KALRN: variants seen among roughly 807,000 people sequenced by gnomAD.
The protein encoded by KALRN is kalirin RhoGEF kinase.
KALRN carries 70 observed loss-of-function variants against 353.7 expected under a neutral mutation model. That is an observed-to-expected ratio of 0.20 (90% confidence interval 0.16 to 0.24). The LOEUF (loss-of-function observed/expected upper bound fraction) is 0.24. Among genes scored for constraint, KALRN ranks in the 10% least tolerant of loss-of-function variants. The pLI, the probability that KALRN is intolerant of heterozygous loss-of-function variation, is 1.00. For missense variants in KALRN, 2,791 were observed against 3,756.7 expected (o/e 0.74, Z 6.72); for synonymous variants, 1,391 against 1,434.8 (o/e 0.97, Z 0.69).
intron 34 of KALRN, among the ~76,000 whole-genome samples, chr3:124,608,514 C>T (rs1428400428): frequency 1.3e-5 from 2 of 152,254 alleles, no homozygotes; most frequent in East Asian, 1.9e-4. Flanking sequence ...CAGCGGAGAA[C>T]TTACAGCATC....
At chr3:124,652,441 C>G (rs765244597) in intron 38 of KALRN, among the ~76,000 whole-genome samples, 1 of 152,216 alleles carries the variant, frequency 6.6e-6, no homozygotes, top group Non-Finnish European at 1.5e-5. Context: ...AAAGCTGAGT[C>G]TCCTTAGCTT....
intron 3 of KALRN, among the ~76,000 whole-genome samples, chr3:124,239,484 G>A (rs992957445): frequency 6.6e-6 from 1 of 152,186 alleles, no homozygotes; most frequent in African/African-American, 2.4e-5. Context: ...CTGAGATACT[G>A]AGTGTTCTGC....
At chr3:124,218,805 T>C (rs1430220621) in intron 1 of KALRN, among the ~76,000 whole-genome samples, 1 of 152,182 alleles carries the variant, frequency 6.6e-6, no homozygotes, top group African/African-American at 2.4e-5. Flanking sequence ...TAAACAGAAA[T>C]GGTTGCTCAT....
chr3:124,064,502 T>G (rs1048344331), intron 1 of KALRN, among the ~76,000 whole-genome samples: 2 of 152,162 alleles, frequency 1.3e-5, no homozygotes, highest in African/African-American at 4.8e-5. Flanking sequence ...TTCCTTGTTT[T>G]TCTTCCTTAC....
intron 34 of KALRN, among the ~76,000 whole-genome samples, chr3:124,606,236 A>G (rs1266715943): frequency 5.9e-5 from 9 of 152,194 alleles, no homozygotes; most frequent in African/African-American, 1.2e-4. Context: ...GGGCAATTAT[A>G]TTGTTCTCAT....
chr3:124,472,593 G>T (rs140475404), intron 25 of KALRN, among the ~76,000 whole-genome samples: 8 of 151,974 alleles, frequency 5.3e-5, no homozygotes, highest in African/African-American at 1.9e-4. Context: ...GTGTGTGTGT[G>T]TGTGTGTGTG....
Position 124,430,688 on chromosome 3 carries a change from G to T in KALRN, c.2742G>T (p.Met914Ile), listed in dbSNP as rs760956956. The T allele has an allele frequency of 1.2e-6, 2 of 1,614,070 alleles. No homozygotes were observed. Among genetic ancestry groups the T allele is most frequent in the African/African-American group, 2.7e-5 (2 of 74,946 alleles). ...VLGWIRNGES[M>I]LNASLVNASS... ...GATGGATCCGCAATGGAGAGTCAAT[G>T]CTCAACGCCAGCCTGGTCAATGCCA... Residue 914 changes from methionine (M) to isoleucine (I), a missense_variant, in exon 16 of 60, where the codon ATG (methionine) becomes ATT (isoleucine). Met to Ile is a conservative substitution (Grantham distance 10). Around this residue, in one of 11 missense-constraint regions of KALRN, gnomAD observed 452 missense variants for 575.8 expected, o/e 0.78. Coordinates refer to ENST00000682506, the MANE Select transcript of KALRN (RefSeq NM_001388419.1).
At chr3:124,351,507 C>T (rs1260534822) in intron 10 of KALRN, among the ~76,000 whole-genome samples, 2 of 152,174 alleles carry the variant, frequency 1.3e-5, no homozygotes. Context: ...AGCAGAAAGA[C>T]AGCTATTACA....
At chr3:124,188,763 A>C (rs983036488) in intron 1 of KALRN, among the ~76,000 whole-genome samples, 12 of 152,202 alleles carry the variant, frequency 7.9e-5, no homozygotes, top group African/African-American at 2.7e-4. Flanking sequence ...TGCTGGCAGA[A>C]GTTATGAGAC....
rs532666712 is a variant in KALRN at position 124,229,545 on chromosome 3, T to C, written c.148+1481T>C. 5.9e-5 allele frequency among the ~76,000 whole-genome samples: 9 copies of C among 152,350 alleles called. No individual in the cohort carries two copies. In the South Asian group the frequency reaches 1.9e-3, roughly 32 times the overall value. On this transcript the variant is annotated intron_variant, in intron 2 of 59. Coordinates refer to ENST00000682506, the MANE Select transcript of KALRN (RefSeq NM_001388419.1). ...CAGAGCAAGAGCTAGTCCAGTCCTG[T>C]AGAGCAGAGGTTCATGCCACAGGCA...
At chr3:124,246,247 T>G (rs2081105171) in intron 3 of KALRN, among the ~76,000 whole-genome samples, 1 of 152,262 alleles carries the variant, frequency 6.6e-6, no homozygotes, top group South Asian at 2.1e-4. Context: ...CAAACATTCT[T>G]ATCACCATCA....
At chr3:124,221,193 C>T (rs988131766) in intron 1 of KALRN, among the ~76,000 whole-genome samples, 6 of 152,220 alleles carry the variant, frequency 3.9e-5, no homozygotes, top group Admixed American at 3.9e-4. Flanking sequence ...CCATGACGTA[C>T]AGTTTGTTTG....
chr3:124,081,541 C>T (rs1034021062), intron 1 of KALRN, among the ~76,000 whole-genome samples: 3 of 152,190 alleles, frequency 2.0e-5, no homozygotes, highest in African/African-American at 7.2e-5. Context: ...GAGGCTGAAA[C>T]AGGCAGATCG....
rs748743008 is a variant in KALRN, at chr3:124,666,436, G to A, written c.6346-13G>A. 3.0e-5 allele frequency: 48 copies of A among 1,612,858 alleles called. No homozygotes were observed. The highest frequency in any genetic ancestry group is 3.3e-5 in the Non-Finnish European group (39 of 1,179,278). On this transcript the variant is annotated splice_polypyrimidine_tract_variant and intron_variant, in intron 45 of 59. Coordinates refer to ENST00000682506, the MANE Select transcript of KALRN (RefSeq NM_001388419.1). ...TTTTTCATTCACTTCACCCCAGCCC[G>A]TCTTTCCTTCAGGGCACTCTGACTG...
At chr3:124,438,708 A>C (rs1227896194) in intron 17 of KALRN, among the ~76,000 whole-genome samples, 180 bp from the exon 18 acceptor site, 4 of 152,076 alleles carry the variant, frequency 2.6e-5, no homozygotes, top group Admixed American at 2.6e-4. Context: ...TCCAGTCATC[A>C]TGTCTCCCAG....
intron 10 of KALRN, among the ~76,000 whole-genome samples, chr3:124,367,515 A>AC (rs1184630192): frequency 1.3e-5 from 1 of 78,564 alleles, no homozygotes; most frequent in African/African-American, 5.5e-5. Flanking sequence ...GGGGGGGCTG[A>AC]CCCCCCCACC....
intron 25 of KALRN, among the ~76,000 whole-genome samples, chr3:124,472,191 T>C (rs1411071446): frequency 6.6e-6 from 1 of 152,218 alleles, no homozygotes; most frequent in Non-Finnish European, 1.5e-5. Context: ...TTTCTATCAA[T>C]GATCAATTCT....
At chr3:124,055,199 C>T (rs888367787) in intron 1 of KALRN, among the ~76,000 whole-genome samples, 2 of 152,170 alleles carry the variant, frequency 1.3e-5, no homozygotes, top group African/African-American at 4.8e-5. Context: ...TAGCAGAGGG[C>T]ATGCATAGGA....
chr3:124,674,476 C>T lies in KALRN; in HGVS notation c.7055C>T (p.Ala2352Val). 6.2e-7 allele frequency: 1 copy of T among 1,614,010 alleles called. No homozygotes were observed. Among genetic ancestry groups the T allele is most frequent in the Non-Finnish European group, 8.5e-7 (1 of 1,179,996 alleles). Residue 2352 changes from alanine to valine, a missense_variant, in exon 49 of 60, where the codon GCC becomes GTC. By Grantham distance (64) the Ala-to-Val change is moderately conservative (BLOSUM62 0). This residue lies in a region of KALRN where 1,065 missense variants were observed against 1,156.4 expected (regional missense o/e 0.92). Coordinates refer to ENST00000682506, the MANE Select transcript of KALRN (RefSeq NM_001388419.1). ...CAAGGTGAGGTGGTCCAGGTCCTCG[C>T]CGTCAACCAGCAGAACATGTGTCTG... ...VSQGEVVQVL[A>V]VNQQNMCLVY...
Sources: allele counts gnomAD v4.1 joint callset (sites outside exome capture counted in the v4.1 genomes callset), GRCh38; gene constraint gnomAD v4.1.1; regional missense constraint gnomAD v4.1.1; transcripts MANE v1.5; gene names NCBI Gene and HGNC (gene_info 2026-07-23, HGNC 2026-07-21).